CSMD1: variants seen among roughly 807,000 people sequenced by gnomAD.
CSMD1 encodes CUB and Sushi multiple domains 1, also known as CUB and sushi domain-containing protein 1.
CSMD1 carries 213 observed loss-of-function variants against 417.5 expected under a neutral mutation model. That is an observed-to-expected ratio of 0.51 (90% CI 0.46 to 0.57). The LOEUF (loss-of-function observed/expected upper bound fraction) is 0.57, where lower values mean the gene tolerates loss of function less well. CSMD1 is among the 20% of genes least tolerant of loss of function. CSMD1 has a pLI of 0.00. For synonymous variants in CSMD1, 2,862 were observed against 1,736.8 expected, an observed-to-expected ratio of 1.65 and a Z score of -16.11; for missense variants, 6,923 against 4,529.7, an observed-to-expected ratio of 1.53 and a Z score of -15.17.
chr8:2,978,522 C>G, intron 55 of CSMD1, 90 bp downstream of exon 55: 3 of 1,007,414 alleles, frequency 3.0e-6, no homozygotes, highest in Non-Finnish European at 4.3e-6. Flanking sequence ...AATTAAAATT[C>G]AGTGCCTTTT....
At chr8:4,632,895 G>C (rs1421667529) in intron 2 of CSMD1, among the ~76,000 whole-genome samples, 1 of 152,196 alleles carries the variant, frequency 6.6e-6, no homozygotes, top group East Asian at 1.9e-4. Flanking sequence ...GTAAGGTCAG[G>C]TCAAGGAGTA....
At chr8:3,282,870 C>T (rs141771156) in intron 26 of CSMD1, among the ~76,000 whole-genome samples, 1 of 152,106 alleles carries the variant, frequency 6.6e-6, no homozygotes, top group African/African-American at 2.4e-5. Flanking sequence ...CAGTGAGCTG[C>T]CAAGAGATAA....
chr8:3,713,717 C>G (rs548698938), intron 6 of CSMD1, among the ~76,000 whole-genome samples: 7 of 152,148 alleles, frequency 4.6e-5, no homozygotes, highest in African/African-American at 1.7e-4. Context: ...TTCTTTCAAA[C>G]AAATGTAACG....
chr8:3,902,039 T>G (rs1332987987), intron 5 of CSMD1, among the ~76,000 whole-genome samples: 1 of 152,194 alleles, frequency 6.6e-6, no homozygotes, highest in East Asian at 1.9e-4. Context: ...TACGTTGTTC[T>G]TCTTTTGCAA....
chr8:3,565,159 A>AAAAAAAAAAAAAAAAAAAG (rs1554471702), intron 10 of CSMD1, among the ~76,000 whole-genome samples: 1 of 138,026 alleles, frequency 7.2e-6, no homozygotes, highest in African/African-American at 2.7e-5. Flanking sequence ...AAAAAAAAAA[A>AAAAAAAAAAAAAAAAAAAG]AGAGAGAGAT....
chr8:4,793,869 G>A (rs917926886), intron 1 of CSMD1, among the ~76,000 whole-genome samples: 3 of 149,164 alleles, frequency 2.0e-5, no homozygotes, highest in East Asian at 2.0e-4. Context: ...CTGATTAAAA[G>A]TTTGTTAATA....
intron 23 of CSMD1, among the ~76,000 whole-genome samples, chr8:3,309,692 C>A (rs991276716): frequency 7.9e-5 from 12 of 151,992 alleles, no homozygotes; most frequent in African/African-American, 2.9e-4. Flanking sequence ...ACTTTGAATG[C>A]TTTCTTTTCT....
At chr8:4,292,410 G>A (rs981355599) in intron 3 of CSMD1, among the ~76,000 whole-genome samples, 7 of 151,876 alleles carry the variant, frequency 4.6e-5, no homozygotes, top group South Asian at 2.1e-4. Context: ...CCGCCACCAC[G>A]CCCGGCTAAT....
intron 11 of CSMD1, among the ~76,000 whole-genome samples, chr8:3,478,834 C>T (rs929865027): frequency 1.3e-5 from 2 of 152,170 alleles, no homozygotes; most frequent in East Asian, 3.9e-4. Flanking sequence ...GCAGAACCTG[C>T]AAGAGGGATG....
intron 1 of CSMD1, among the ~76,000 whole-genome samples, chr8:4,980,005 C>G (rs112622255): frequency 2.2e-4 from 33 of 152,242 alleles, no homozygotes; most frequent in African/African-American, 7.9e-4. Flanking sequence ...GCACTGCACT[C>G]CAGCCTGGGC....
intron 5 of CSMD1, among the ~76,000 whole-genome samples, chr8:3,856,238 GCT>G (rs976860672): frequency 6.6e-6 from 1 of 151,928 alleles, no homozygotes; most frequent in Non-Finnish European, 1.5e-5. Flanking sequence ...TGTAGCACCT[GCT>G]CTCTCTCTTC....
chr8:3,310,815 C>A (rs1282622074), intron 23 of CSMD1, among the ~76,000 whole-genome samples: 2 of 82,018 alleles, frequency 2.4e-5, no homozygotes, highest in African/African-American at 6.2e-5. Flanking sequence ...CAGGAGGTAT[C>A]CACCTTAACA....
rs531041030 is a variant in CSMD1, at chr8:4,782,836, A to G, written c.86-145278T>C. On this transcript the variant is annotated intron_variant, in intron 1 of 69. Coordinates refer to ENST00000635120, the MANE Select transcript of CSMD1 (RefSeq NM_033225.6). ...GTCCACCAATTTAAATTTAGAAAGCACAACTCAAGCTATTTTTTTCAATAA... is the reference window on the plus strand; with the variant it reads ...GTCCACCAATTTAAATTTAGAAAGCGCAACTCAAGCTATTTTTTTCAATAA... Among the ~76,000 whole-genome samples, 7 of 152,328 alleles carry G rather than the reference A, an allele frequency of 4.6e-5. No individual in the cohort carries two copies. The East Asian group carries it at 1.2e-3, about 25-fold the overall frequency.
At chr8:3,474,786 T>A (rs1817313324) in intron 11 of CSMD1, among the ~76,000 whole-genome samples, 1 of 152,208 alleles carries the variant, frequency 6.6e-6, no homozygotes, top group South Asian at 2.1e-4. Context: ...CAACTAGTCT[T>A]GCTTTCTTTA....
At chr8:4,016,667 T>C (rs1796538673) in intron 4 of CSMD1, among the ~76,000 whole-genome samples, 1 of 152,238 alleles carries the variant, frequency 6.6e-6, no homozygotes, top group African/African-American at 2.4e-5. Flanking sequence ...TCTTACTCTG[T>C]AAAGCAAGAG....
At chr8:4,084,545 C>T (rs1800317935) in intron 3 of CSMD1, among the ~76,000 whole-genome samples, 1 of 152,062 alleles carries the variant, frequency 6.6e-6, no homozygotes, top group Non-Finnish European at 1.5e-5. Context: ...AGGAAAAGGA[C>T]AATTGGTAGG....
rs139023148 is a variant in CSMD1 at position 4,986,874 on chromosome 8, G to A, written c.85+7458C>T. ...GAGCTAAATGGTCTGTGAAAGATTA[G>A]TGAAAACGTTATTAGATTTTGATCA... On this transcript the variant is annotated intron_variant, in intron 1 of 69. Coordinates refer to ENST00000635120, the MANE Select transcript of CSMD1 (RefSeq NM_033225.6). 3.0e-4 allele frequency among the ~76,000 whole-genome samples: 46 copies of A among 152,260 alleles called. 1 individual carries two copies. In the East Asian group the frequency reaches 8.1e-3, roughly 27 times the overall value.
At chr8:3,454,049 C>T (rs1194331115) in intron 12 of CSMD1, among the ~76,000 whole-genome samples, 1 of 152,076 alleles carries the variant, frequency 6.6e-6, no homozygotes, top group East Asian at 1.9e-4. Flanking sequence ...TTGAATTGAT[C>T]CCTTTACCAT....
At chr8:4,059,305 A>AAATTTAT (rs1227921296) in intron 3 of CSMD1, among the ~76,000 whole-genome samples, 3 of 132,700 alleles carry the variant, frequency 2.3e-5, no homozygotes, top group Non-Finnish European at 4.9e-5. Context: ...GTGTAGAGTG[A>AAATTTAT]AATTTATAGC....
Sources: allele counts gnomAD v4.1 joint callset (sites outside exome capture counted in the v4.1 genomes callset), GRCh38; gene constraint gnomAD v4.1.1; transcripts MANE v1.5; gene names NCBI Gene and HGNC (gene_info 2026-07-23, HGNC 2026-07-21).